SHFL: variants seen among roughly 807,000 people sequenced by gnomAD.
The protein encoded by SHFL is shiftless antiviral inhibitor of ribosomal frameshifting.
In SHFL, 12 loss-of-function variants were observed where a neutral mutation model predicts 34.7. That is an observed-to-expected ratio of 0.35 (90% CI 0.22 to 0.56). The LOEUF (loss-of-function observed/expected upper bound fraction) is 0.56. Ranked by LOEUF, SHFL falls within the 20% of genes least tolerant of loss-of-function variation. The pLI, the probability that SHFL is intolerant of heterozygous loss-of-function variation, is 0.88. For synonymous variants in SHFL, 148 were observed against 156.0 expected (o/e 0.95, Z 0.38); for missense variants, 278 against 411.1 (o/e 0.68, Z 2.80).
rs977098121 is a variant in SHFL at position 10,086,620 on chromosome 19, C to T, written c.21+172C>T. On this transcript the variant is annotated intron_variant, in intron 1 of 7. Transcript: ENST00000253110. This position sits in a 1 kb window ranked among gnomAD's most constrained non-coding sequence, Gnocchi z 5.2. ...AAAGGAAAGTGACTCCCACGTTTCC[C>T]CAGAGCGAAATGAGGCCTCCCCGAG... Among the ~76,000 whole-genome samples, 5 of 152,140 alleles carry T rather than the reference C, an allele frequency of 3.3e-5. No homozygotes were observed. The highest frequency in any genetic ancestry group is 1.2e-4 in the African/African-American group (5 of 41,428).
rs1475114371 is a variant in SHFL at position 10,088,567 on chromosome 19, TCAAA to T, written c.196-1081_196-1078del. Among the ~76,000 whole-genome samples the T allele has an allele frequency of 4.0e-5, 6 of 151,656 alleles. No individual in the cohort carries two copies. In the East Asian group the frequency reaches 9.7e-4, roughly 25 times the overall value. On this transcript the variant is annotated intron_variant, in intron 3 of 7. Transcript: ENST00000253110. ...CTGGGCAACAGAGCGATTCTCCGTCTCAAACAAACAAAAACAAACAAAACCAGAG... is the reference window on the plus strand; with the variant it reads ...CTGGGCAACAGAGCGATTCTCCGTCTCAAACAAAAACAAACAAAACCAGAG...
intron 3 of SHFL, chr19:10,088,166 AGG>A: frequency 6.6e-6 from 1 of 150,900 alleles, no homozygotes. Flanking sequence ...AGGCTGAGGC[AGG>A]AGAATCACTT....
rs45600037 is a variant in SHFL at position 10,092,686 on chromosome 19, C to T, written c.*384C>T. 7.4e-6 allele frequency: 12 copies of T among 1,614,016 alleles called. No individual in the cohort carries two copies. Among genetic ancestry groups the T allele is most frequent in the Admixed American group, 3.3e-5 (2 of 60,004 alleles). On this transcript the variant is annotated 3_prime_UTR_variant, in exon 8 of 8. Transcript: ENST00000253110. ...GTAGACACCATCCTGGTAGCGGCTT[C>T]GGTAGTGGCCGCCGTGGTGCCACAC... is the stretch of plus-strand genomic sequence containing the variant.
chr19:10,092,687 G>T lies in SHFL; in HGVS notation c.*385G>T. On this transcript the variant is annotated 3_prime_UTR_variant, in exon 8 of 8. Coordinates refer to ENST00000253110, the MANE Select transcript of SHFL (RefSeq NM_018381.4). ...TAGACACCATCCTGGTAGCGGCTTC[G>T]GTAGTGGCCGCCGTGGTGCCACACA... 6.2e-7 allele frequency: 1 copy of T among 1,614,022 alleles called. No homozygotes were observed. The highest frequency in any genetic ancestry group is 8.5e-7 in the Non-Finnish European group (1 of 1,179,920).
At position 10,086,828 on chromosome 19, in the gene SHFL, A is replaced by C; in HGVS notation, c.22-101A>C. The C allele has an allele frequency of 6.9e-7, 1 of 1,442,176 alleles. No homozygotes were observed. Among genetic ancestry groups the C allele is most frequent in the Non-Finnish European group, 9.4e-7 (1 of 1,063,530 alleles). 89.3% of individuals were successfully genotyped at this position (1,442,176 alleles called of 1,614,324 possible). On this transcript the variant is annotated intron_variant, in intron 1 of 7. Coordinates refer to ENST00000253110, the MANE Select transcript of SHFL (RefSeq NM_018381.4). The surrounding 1 kb of genome is among the most constrained non-coding windows in gnomAD (Gnocchi z 5.2). ...CGGGGGGGGGGCGGCGGAGGCCAAAACCAAGGGTCAAGTTCGGGCCGGGAG... is the reference window on the plus strand; with the variant it reads ...CGGGGGGGGGGCGGCGGAGGCCAAACCCAAGGGTCAAGTTCGGGCCGGGAG...
At chr19:10,090,189 G>A (rs531325531) in intron 5 of SHFL, 142 bp downstream of exon 5, 1 of 944,426 alleles carries the variant, frequency 1.1e-6, no homozygotes, top group African/African-American at 1.6e-5. Flanking sequence ...GCTCAGCCTT[G>A]ATCTCTGATC....
rs188468475 is a variant in SHFL, at chr19:10,091,709, C to T, written c.643+79C>T. Reference sequence around the variant, plus strand: ...TTAAGTCCCCAAATCTCCACTCAGTCCACTTTGTCTCCCACAGCAGCAGCC... The same window carrying T: ...TTAAGTCCCCAAATCTCCACTCAGTTCACTTTGTCTCCCACAGCAGCAGCC... On this transcript the variant is annotated intron_variant, in intron 7 of 7. Transcript: ENST00000253110. The surrounding 1 kb of genome is among the most constrained non-coding windows in gnomAD (Gnocchi z 8.2). 98 of 1,459,282 alleles carry T rather than the reference C, an allele frequency of 6.7e-5. No homozygotes were observed. The East Asian group carries it at 2.4e-3, about 36-fold the overall frequency. The allele number at this position is 1,459,282 out of a possible 1,614,324, so 90.4% of individuals were successfully genotyped here.
chr19:10,089,196 C>A, intron 3 of SHFL: 2 of 1,015,878 alleles, frequency 2.0e-6, no homozygotes, highest in Non-Finnish European at 2.9e-6. Flanking sequence ...AGAGCCTGGG[C>A]TCTAACATGC....
chr19:10,086,378 G>C lies in SHFL; in HGVS notation c.-50G>C. The C allele has an allele frequency of 7.8e-7, 1 of 1,274,764 alleles. No homozygotes were observed. The highest frequency in any genetic ancestry group is 1.0e-6 in the Non-Finnish European group (1 of 1,003,412). 79.0% of individuals were successfully genotyped at this position (1,274,764 alleles called of 1,614,324 possible). On this transcript the variant is annotated 5_prime_UTR_variant, in exon 1 of 8. Coordinates refer to ENST00000253110, the MANE Select transcript of SHFL (RefSeq NM_018381.4). This position sits in a 1 kb window ranked among gnomAD's most constrained non-coding sequence, Gnocchi z 5.2. The stretch of plus-strand genomic sequence containing the variant: ...GACGGGCGCACCCAGGTAGGGGGGC[G>C]GCTGAGCCGCGCAGTGCGGACCCTC...
In SHFL at chr19:10,086,793, G is replaced by T; in HGVS notation, c.22-136G>T. 9.0e-7 allele frequency: 1 copy of T among 1,113,030 alleles called. No homozygotes were observed. Among genetic ancestry groups the T allele is most frequent in the Non-Finnish European group, 1.3e-6 (1 of 786,248 alleles). 68.9% of individuals were successfully genotyped at this position (1,113,030 alleles called of 1,614,324 possible). ...GCTTTTTCCAGGAAATGCCGTAAAGGGATGAAAGGCGGGGGGGGGGCGGCG... is the reference window on the plus strand; with the variant it reads ...GCTTTTTCCAGGAAATGCCGTAAAGTGATGAAAGGCGGGGGGGGGGCGGCG... On this transcript the variant is annotated intron_variant, in intron 1 of 7. Transcript: ENST00000253110. This position sits in a 1 kb window ranked among gnomAD's most constrained non-coding sequence, Gnocchi z 5.2.
chr19:10,092,070 A>G lies in SHFL; in HGVS notation c.644A>G (p.Glu215Gly). 6.2e-7 allele frequency: 1 copy of G among 1,613,614 alleles called. No individual in the cohort carries two copies. The highest frequency in any genetic ancestry group is 8.5e-7 in the Non-Finnish European group (1 of 1,179,758). The change falls in exon 8 of 8, where the codon GAG becomes GGG. Residue 215 changes from glutamate to glycine, a missense_variant and splice_region_variant. Physicochemically the swap from Glu to Gly is moderately conservative, Grantham distance 98 (BLOSUM62 -2). Around this residue, in one of 2 missense-constraint regions of SHFL, gnomAD observed 243 missense variants for 386.2 expected, o/e 0.63. Coordinates refer to ENST00000253110, the MANE Select transcript of SHFL (RefSeq NM_018381.4). ...CSAADCYNRR[E>G]PHVPGTSCAH... ...GTCTGCAGCACCTCTCCCTCCCTAGAGCCCCACGTGCCTGGGACATCCTGT... is the reference window on the plus strand; with the variant it reads ...GTCTGCAGCACCTCTCCCTCCCTAGGGCCCCACGTGCCTGGGACATCCTGT...
At chr19:10,087,439 T>A in intron 3 of SHFL, 139 bp downstream of exon 3, 1 of 846,168 alleles carries the variant, frequency 1.2e-6, no homozygotes, top group Non-Finnish European at 1.9e-6. Flanking sequence ...CATCACCCAA[T>A]CTCACTTTTT....
rs1179639446 is a variant in SHFL at position 10,086,810 on chromosome 19, G to T, written c.22-119G>T. 23 of 1,210,614 alleles carry T rather than the reference G, an allele frequency of 1.9e-5. No individual in the cohort carries two copies. The highest frequency in any genetic ancestry group is 2.6e-5 in the East Asian group (1 of 38,792). The allele number at this position is 1,210,614 out of a possible 1,614,324, so 75.0% of individuals were successfully genotyped here. A position where few individuals can be genotyped will look rare whatever the true frequency, so the allele number is the denominator to read the frequency against. On this transcript the variant is annotated intron_variant, in intron 1 of 7. Transcript: ENST00000253110. The surrounding 1 kb of genome is among the most constrained non-coding windows in gnomAD (Gnocchi z 5.2). ...CCGTAAAGGGATGAAAGGCGGGGGG[G>T]GGGCGGCGGAGGCCAAAACCAAGGG...
Position 10,092,380 on chromosome 19 carries a change from G to A in SHFL, c.*78G>A, listed in dbSNP as rs1366256381. Reference sequence around the variant, plus strand: ...ATTATAAGATATGAGCTCAAACCGAGATATGAATGACCTTGGGGAGCCATC... The same window carrying A: ...ATTATAAGATATGAGCTCAAACCGAAATATGAATGACCTTGGGGAGCCATC... On this transcript the variant is annotated 3_prime_UTR_variant, in exon 8 of 8. Coordinates refer to ENST00000253110, the MANE Select transcript of SHFL (RefSeq NM_018381.4). The A allele has an allele frequency of 1.3e-6, 2 of 1,530,630 alleles. No individual in the cohort carries two copies. Among genetic ancestry groups the A allele is most frequent in the East Asian group, 2.4e-5 (1 of 40,950 alleles). 94.8% of individuals were successfully genotyped at this position (1,530,630 alleles called of 1,614,324 possible). A position where few individuals can be genotyped will look rare whatever the true frequency, so the allele number is the denominator to read the frequency against.
rs561825144 is a variant in SHFL, at chr19:10,087,011, T to G, written c.104T>G (p.Phe35Cys). The change falls in exon 2 of 8, where the codon TTC (phenylalanine) becomes TGC (cysteine). Residue 35 changes from phenylalanine to cysteine, a missense_variant. Physicochemically the swap from Phe to Cys is radical, Grantham distance 205. Around this residue, in one of 2 missense-constraint regions of SHFL, gnomAD observed 243 missense variants for 386.2 expected, o/e 0.63. Transcript: ENST00000253110. Reference sequence around the variant, plus strand: ...AAGGCGGGGGCTCTGATGAGGAAATTCGGCAGCGACCACACGGGAGTGGGG... The same window carrying G: ...AAGGCGGGGGCTCTGATGAGGAAATGCGGCAGCGACCACACGGGAGTGGGG... ...SKKAGALMRKFGSDHTGVGRS... is the reference protein window; with the variant it reads ...SKKAGALMRKCGSDHTGVGRS... The G allele has an allele frequency of 6.2e-7, 1 of 1,613,138 alleles. No homozygotes were observed. The highest frequency in any genetic ancestry group is 2.2e-5 in the East Asian group (1 of 44,834).
In SHFL at chr19:10,087,326, G is replaced by A. The variant is rs759951116; in HGVS notation, c.195+26G>A. 6 of 1,613,932 alleles carry A rather than the reference G, an allele frequency of 3.7e-6. No homozygotes were observed. The Admixed American group carries it at 6.7e-5, about 18-fold the overall frequency. Reference sequence around the variant, plus strand: ...GTAACCTATCCCCTCCCCTCGCAAAGGACCGGGTCACGGGAGGGAGAGCAA... The same window carrying A: ...GTAACCTATCCCCTCCCCTCGCAAAAGACCGGGTCACGGGAGGGAGAGCAA... On this transcript the variant is annotated intron_variant, in intron 3 of 7. Transcript: ENST00000253110.
At position 10,086,816 on chromosome 19, in the gene SHFL, G is replaced by T; in HGVS notation, c.22-113G>T. 7.8e-7 allele frequency: 1 copy of T among 1,283,292 alleles called. No individual in the cohort carries two copies. Among genetic ancestry groups the T allele is most frequent in the Non-Finnish European group, 1.1e-6 (1 of 930,972 alleles). 79.5% of individuals were successfully genotyped at this position (1,283,292 alleles called of 1,614,324 possible). On this transcript the variant is annotated intron_variant, in intron 1 of 7. Transcript: ENST00000253110. This position sits in a 1 kb window ranked among gnomAD's most constrained non-coding sequence, Gnocchi z 5.2. ...AGGGATGAAAGGCGGGGGGGGGGCGGCGGAGGCCAAAACCAAGGGTCAAGT... is the reference window on the plus strand; with the variant it reads ...AGGGATGAAAGGCGGGGGGGGGGCGTCGGAGGCCAAAACCAAGGGTCAAGT...
Position 10,092,934 on chromosome 19 carries a change from C to T in SHFL, c.*632C>T. 1 of 583,504 alleles carries T rather than the reference C, an allele frequency of 1.7e-6. No homozygotes were observed. Among genetic ancestry groups the T allele is most frequent in the Non-Finnish European group, 2.8e-6 (1 of 356,220 alleles). The allele number at this position is 583,504 out of a possible 1,614,324, so 36.1% of individuals were successfully genotyped here. ...CATCTCCTCAGCAAAAAAATAGGAG[C>T]CCTGGCCCCCCAACTTTCTTCAGAG... On this transcript the variant is annotated 3_prime_UTR_variant, in exon 8 of 8. Coordinates refer to ENST00000253110, the MANE Select transcript of SHFL (RefSeq NM_018381.4).
At position 10,091,549 on chromosome 19, in the gene SHFL, C is replaced by T; in HGVS notation, c.562C>T (p.Pro188Ser). The T allele has an allele frequency of 1.3e-6, 2 of 1,550,938 alleles. No individual in the cohort carries two copies. Among genetic ancestry groups the T allele is most frequent in the South Asian group, 2.4e-5 (2 of 84,022 alleles). ...CCCCGTGTATCCAACACGGATCCTC[C>T]CCCCGCGCTGGGACCGGGACCCGGA... ...GFPVYPTRIL[P>S]PRWDRDPDRR... Residue 188 changes from proline to serine, a missense_variant, in exon 7 of 8, where the codon CCC becomes TCC. This residue lies in a region of SHFL where 243 missense variants were observed against 386.2 expected (regional missense o/e 0.63). Transcript: ENST00000253110. This position sits in a 1 kb window ranked among gnomAD's most constrained non-coding sequence, Gnocchi z 8.2.
Sources: allele counts gnomAD v4.1 joint callset (sites outside exome capture counted in the v4.1 genomes callset), GRCh38; gene constraint gnomAD v4.1.1; regional missense constraint gnomAD v4.1.1; non-coding constraint Gnocchi (gnomAD v3.1); transcripts MANE v1.5; gene names NCBI Gene and HGNC (gene_info 2026-07-23, HGNC 2026-07-21).